Variants in ZNF423 observed in about 807,000 individuals in gnomAD.
ZNF423 encodes Ebf-associated zinc finger protein.
Under a neutral mutation model 95.8 loss-of-function variants are expected in ZNF423, and 12 were observed. The ratio of observed to expected loss-of-function variants is 0.13; its 90% CI spans 0.08 to 0.20. The LOEUF is 0.20. ZNF423 is among the 10% of genes least tolerant of loss of function. ZNF423 has a pLI of 1.00. For missense variants in ZNF423, 1,316 were observed against 1,737.1 expected (o/e 0.76, Z 4.31); for synonymous variants, 749 against 711.9 (o/e 1.05, Z -0.83).
At chr16:49,798,456 C>T (rs2034532235) in intron 1 of ZNF423, among the ~76,000 whole-genome samples, 1 of 151,782 alleles carries the variant, frequency 6.6e-6, no homozygotes, top group African/African-American at 2.4e-5. Context: ...TGCAGTGAGC[C>T]AAGATCACAC....
intron 5 of ZNF423, among the ~76,000 whole-genome samples, chr16:49,528,253 T>C (rs1007102940): frequency 1.3e-5 from 2 of 151,830 alleles, no homozygotes; most frequent in Non-Finnish European, 2.9e-5. Flanking sequence ...TGACAGTCAC[T>C]TTCCGTTCTC....
intron 5 of ZNF423, among the ~76,000 whole-genome samples, chr16:49,543,553 T>A (rs1969330424): frequency 6.6e-6 from 1 of 152,060 alleles, no homozygotes; most frequent in African/African-American, 2.4e-5. Flanking sequence ...GCGGGCTGGG[T>A]CTTAAGAGGG....
intron 5 of ZNF423, among the ~76,000 whole-genome samples, chr16:49,618,779 C>A (rs1216218416): frequency 6.6e-6 from 1 of 152,180 alleles, no homozygotes; most frequent in African/African-American, 2.4e-5. Flanking sequence ...GTATCATCTG[C>A]CACCTGTCAC....
chr16:49,641,106 A>C (rs1328888071), intron 3 of ZNF423, among the ~76,000 whole-genome samples: 5 of 152,216 alleles, frequency 3.3e-5, no homozygotes, highest in Non-Finnish European at 5.9e-5. Flanking sequence ...CCCAGCACTC[A>C]GTGCTAAGTG....
At chr16:49,622,558 T>C (rs2151859937) in intron 5 of ZNF423, among the ~76,000 whole-genome samples, 1 of 152,324 alleles carries the variant, frequency 6.6e-6, no homozygotes, top group Middle Eastern at 3.4e-3. Flanking sequence ...CATCCTTCAA[T>C]GCCCAGGGGG....
chr16:49,660,808 G>A (rs2030175456), intron 3 of ZNF423, among the ~76,000 whole-genome samples: 1 of 151,964 alleles, frequency 6.6e-6, no homozygotes, highest in South Asian at 2.1e-4. Flanking sequence ...TTAAAACAAA[G>A]GAGACACAGA....
chr16:49,636,616 G>T lies in ZNF423; in HGVS notation c.2560C>A (p.Pro854Thr), dbSNP rs1972723732. 6.2e-7 allele frequency: 1 copy of T among 1,613,850 alleles called. No homozygotes were observed. The highest frequency in any genetic ancestry group is 8.5e-7 in the Non-Finnish European group (1 of 1,179,944). Reference protein sequence around the residue: ...ATENGTANGVPPMATKKAEPA... With the variant: ...ATENGTANGVTPMATKKAEPA... ...TCAGCTTTCTTGGTGGCCATTGGGG[G>T]TACCCCATTGGCCGTGCCGTTCTCG... The change falls in exon 4 of 8, where the codon CCC becomes ACC. Residue 854 changes from proline to threonine, a missense_variant. Pro to Thr is a conservative substitution (Grantham distance 38). Transcript: ENST00000563137. The surrounding 1 kb of genome is among the most constrained non-coding windows in gnomAD (Gnocchi z 8.6).
intron 5 of ZNF423, among the ~76,000 whole-genome samples, chr16:49,544,620 T>G (rs940400592): frequency 6.6e-6 from 1 of 152,208 alleles, no homozygotes; most frequent in African/African-American, 2.4e-5. Flanking sequence ...AATAACTTCC[T>G]GAATGAGGTG....
At chr16:49,585,657 G>A (rs915782008) in intron 5 of ZNF423, among the ~76,000 whole-genome samples, 4 of 152,170 alleles carry the variant, frequency 2.6e-5, no homozygotes, top group Admixed American at 6.5e-5. Flanking sequence ...GCAATTAGCC[G>A]GCTGACTGTT....
intron 5 of ZNF423, among the ~76,000 whole-genome samples, chr16:49,564,422 C>G (rs1029820115): frequency 1.4e-4 from 22 of 152,146 alleles, no homozygotes; most frequent in Admixed American, 6.5e-5. Context: ...GGGAAGGAAC[C>G]CCTTCTGTGG....
At chr16:49,698,081 C>G (rs901819432) in intron 3 of ZNF423, among the ~76,000 whole-genome samples, 1 of 152,212 alleles carries the variant, frequency 6.6e-6, no homozygotes. Context: ...GTGCGGCACT[C>G]TTACAAAGAC....
chr16:49,749,065 G>C (rs1007419557), intron 2 of ZNF423, among the ~76,000 whole-genome samples: 2 of 152,148 alleles, frequency 1.3e-5, no homozygotes, highest in Admixed American at 6.5e-5. Context: ...ATAAAGAGAC[G>C]AGGAAGGTGG....
At chr16:49,720,920 C>A (rs537245790) in intron 3 of ZNF423, among the ~76,000 whole-genome samples, 1 of 152,318 alleles carries the variant, frequency 6.6e-6, no homozygotes, top group South Asian at 2.1e-4. Context: ...GCATCATGGG[C>A]GGGGGTGAGT....
rs1251898484 is a variant in ZNF423 at position 49,669,362 on chromosome 16, A to G, written c.302-30488T>C. ...AAAAGAAAAAGAAAAAGAAAAAAGA[A>G]AAGAAAAAAAAATCCATCTCATCTC... On this transcript the variant is annotated intron_variant, in intron 3 of 7. Coordinates refer to ENST00000563137, the MANE Select transcript of ZNF423 (RefSeq NM_001379286.1). Among the ~76,000 whole-genome samples, 4 of 152,116 alleles carry G rather than the reference A, an allele frequency of 2.6e-5. No individual in the cohort carries two copies. In the East Asian group the frequency reaches 5.8e-4, roughly 22 times the overall value.
intron 3 of ZNF423, among the ~76,000 whole-genome samples, chr16:49,693,560 C>T (rs183804745): frequency 4.6e-5 from 7 of 152,316 alleles, no homozygotes; most frequent in Admixed American, 3.9e-4. Flanking sequence ...ACTCCCTACC[C>T]GCTATGTGAT....
chr16:49,568,089 A>C (rs1423114728), intron 5 of ZNF423, among the ~76,000 whole-genome samples: 1 of 152,176 alleles, frequency 6.6e-6, no homozygotes, highest in Non-Finnish European at 1.5e-5. Context: ...AGACTGGGTC[A>C]GGGATGAGCA....
intron 2 of ZNF423, among the ~76,000 whole-genome samples, chr16:49,754,827 T>G (rs1054607656): frequency 8.5e-5 from 13 of 152,216 alleles, no homozygotes; most frequent in African/African-American, 3.1e-4. Flanking sequence ...CAACATTGTG[T>G]ACAGAGTGCC....
chr16:49,694,037 T>A (rs2031883149), intron 3 of ZNF423, among the ~76,000 whole-genome samples: 1 of 152,220 alleles, frequency 6.6e-6, no homozygotes, highest in South Asian at 2.1e-4. Context: ...TAGAGCCAAG[T>A]CTCACGAAAA....
intron 5 of ZNF423, among the ~76,000 whole-genome samples, chr16:49,532,555 G>A (rs745844209): frequency 6.6e-5 from 10 of 152,214 alleles, no homozygotes; most frequent in Non-Finnish European, 1.5e-4. Flanking sequence ...GCCCCACGGG[G>A]GACCCAGAGC....
Sources: allele counts gnomAD v4.1 joint callset (sites outside exome capture counted in the v4.1 genomes callset), GRCh38; gene constraint gnomAD v4.1.1; non-coding constraint Gnocchi (gnomAD v3.1); transcripts MANE v1.5; gene names NCBI Gene and HGNC (gene_info 2026-07-23, HGNC 2026-07-21).